The following WDR70 variants were observed in gnomAD, a reference collection of about 807,000 sequenced individuals.
WDR70 encodes the protein WD repeat domain 70, also known as WD repeat-containing protein 70.
A neutral mutation model predicts 88.6 loss-of-function variants in WDR70; 53 were observed. That is an observed-to-expected ratio of 0.60 (90% CI 0.48 to 0.75). WDR70 has a LOEUF of 0.75. Among genes scored for constraint, WDR70 ranks in the 30% least tolerant of loss-of-function variants. The pLI is 0.00. For synonymous variants in WDR70, 280 were observed against 270.0 expected (o/e 1.04, Z -0.36); for missense variants, 610 against 823.2 (o/e 0.74, Z 3.17).
chr5:37,721,302 C>A, intron 14 of WDR70, 87 bp downstream of exon 14: 2 of 1,192,310 alleles, frequency 1.7e-6, no homozygotes, highest in South Asian at 1.3e-5. Flanking sequence ...ATTTATTTCC[C>A]ACTTTGATGG....
intron 10 of WDR70, among the ~76,000 whole-genome samples, chr5:37,695,272 C>G (rs747706117): frequency 6.6e-6 from 1 of 152,170 alleles, no homozygotes; most frequent in Non-Finnish European, 1.5e-5. Context: ...AAGAAGCCAC[C>G]TCTGTGATCT....
chr5:37,671,290 T>G (rs774850529), intron 10 of WDR70, among the ~76,000 whole-genome samples: 5 of 152,182 alleles, frequency 3.3e-5, no homozygotes, highest in Non-Finnish European at 5.9e-5. Flanking sequence ...TTTTGCAGCA[T>G]AGTTGCATTT....
At chr5:37,716,509 A>G (rs1395533754) in intron 13 of WDR70, among the ~76,000 whole-genome samples, 1 of 152,138 alleles carries the variant, frequency 6.6e-6, no homozygotes, top group Non-Finnish European at 1.5e-5. Flanking sequence ...TGCATGGTTA[A>G]GTAGTAAGGG....
At chr5:37,731,596 AT>A (rs987707198) in intron 17 of WDR70, among the ~76,000 whole-genome samples, 1 of 151,980 alleles carries the variant, frequency 6.6e-6, no homozygotes, top group African/African-American at 2.4e-5. Flanking sequence ...ATTATTAGGG[AT>A]TTTTTTTATA....
intron 8 of WDR70, among the ~76,000 whole-genome samples, chr5:37,490,325 A>G (rs7727005): frequency 0.6 from 90,699 of 151,732 alleles, 28,451 homozygotes; most frequent in Non-Finnish European, 0.69. Flanking sequence ...GGGAGAGTCT[A>G]TCCTCAGGGC....
At chr5:37,668,741 A>G (rs751122831) in intron 10 of WDR70, among the ~76,000 whole-genome samples, 1 of 152,246 alleles carries the variant, frequency 6.6e-6, no homozygotes, top group African/African-American at 2.4e-5. Flanking sequence ...CATCAGTTAG[A>G]GTCCTAGGTA....
chr5:37,527,212 A>G (rs1741308012), intron 9 of WDR70, among the ~76,000 whole-genome samples: 1 of 152,364 alleles, frequency 6.6e-6, no homozygotes, highest in East Asian at 1.9e-4. Context: ...TGGAGGCATC[A>G]CGTTACCTGA....
intron 13 of WDR70, among the ~76,000 whole-genome samples, chr5:37,704,720 A>G (rs1182531316): frequency 2.0e-5 from 3 of 152,166 alleles, no homozygotes; most frequent in Admixed American, 6.5e-5. Context: ...TATTAATTGA[A>G]TGAGTGAGAG....
At chr5:37,421,867 A>G (rs1318064462) in intron 5 of WDR70, among the ~76,000 whole-genome samples, 1 of 151,626 alleles carries the variant, frequency 6.6e-6, no homozygotes, top group African/African-American at 2.4e-5. Context: ...GGTGCAACTC[A>G]GACCCAGCTC....
chr5:37,663,825 T>C (rs1229283624), intron 10 of WDR70, among the ~76,000 whole-genome samples: 1 of 152,198 alleles, frequency 6.6e-6, no homozygotes, highest in Non-Finnish European at 1.5e-5. Context: ...CCTGATTATG[T>C]CCTTCCTGCT....
chr5:37,535,569 G>A (rs1254096342), intron 9 of WDR70, among the ~76,000 whole-genome samples: 1 of 152,040 alleles, frequency 6.6e-6, no homozygotes, highest in Non-Finnish European at 1.5e-5. Context: ...ATTGACTCTT[G>A]CTCCTCTCTG....
intron 7 of WDR70, among the ~76,000 whole-genome samples, chr5:37,457,608 G>C (rs1310547791): frequency 2.0e-5 from 3 of 152,208 alleles, no homozygotes; most frequent in Non-Finnish European, 2.9e-5. Context: ...GAAATGATCA[G>C]GAACAAGTTT....
chr5:37,701,281 G>A, intron 12 of WDR70, 139 bp downstream of exon 12: 1 of 563,070 alleles, frequency 1.8e-6, no homozygotes, highest in Non-Finnish European at 3.0e-6. Flanking sequence ...TCTGTTTTTT[G>A]AAAAATATGT....
chr5:37,625,612 A>G (rs1010550319), intron 10 of WDR70, among the ~76,000 whole-genome samples: 1 of 151,258 alleles, frequency 6.6e-6, no homozygotes, highest in Non-Finnish European at 1.5e-5. Flanking sequence ...ACAACCTCCA[A>G]CTCCCGGGTT....
chr5:37,663,543 A>G (rs1358807680), intron 10 of WDR70, among the ~76,000 whole-genome samples: 2 of 151,902 alleles, frequency 1.3e-5, no homozygotes, highest in Non-Finnish European at 2.9e-5. Context: ...CTTTTTTTCT[A>G]TGTCCAGTTA....
intron 8 of WDR70, among the ~76,000 whole-genome samples, chr5:37,494,731 C>G (rs1177595096): frequency 6.6e-6 from 1 of 152,132 alleles, no homozygotes; most frequent in Non-Finnish European, 1.5e-5. Context: ...GCAGAATTAG[C>G]CATAGTTGGC....
At chr5:37,610,784 T>C (rs1169098330) in intron 10 of WDR70, among the ~76,000 whole-genome samples, 1 of 152,162 alleles carries the variant, frequency 6.6e-6, no homozygotes, top group African/African-American at 2.4e-5. Context: ...TGGGGAGTCA[T>C]AGGGCTTCTG....
At chr5:37,556,724 G>T (rs1178535933) in intron 9 of WDR70, among the ~76,000 whole-genome samples, 1 of 152,214 alleles carries the variant, frequency 6.6e-6, no homozygotes, top group African/African-American at 2.4e-5. Flanking sequence ...ATAGGGAAGG[G>T]TGGGCTGGTC....
At chr5:37,677,150 G>A (rs1212996322) in intron 10 of WDR70, among the ~76,000 whole-genome samples, 2 of 151,902 alleles carry the variant, frequency 1.3e-5, no homozygotes, top group African/African-American at 2.4e-5. Context: ...TCTTGCTAGT[G>A]GTCTATCAAT....
Sources: allele counts gnomAD v4.1 joint callset (sites outside exome capture counted in the v4.1 genomes callset), GRCh38; gene constraint gnomAD v4.1.1; transcripts MANE v1.5; gene names NCBI Gene and HGNC (gene_info 2026-07-23, HGNC 2026-07-21).